The following PRPH2 variants were observed in gnomAD, a reference collection of about 807,000 sequenced individuals.
The protein encoded by PRPH2 is peripherin-2.
Under a neutral mutation model 31.3 loss-of-function variants are expected in PRPH2, and 17 were observed. That is an observed-to-expected ratio of 0.54 (90% CI 0.37 to 0.81). The LOEUF (loss-of-function observed/expected upper bound fraction) is 0.81. Among genes scored for constraint, PRPH2 ranks in the 40% least tolerant of loss-of-function variants. The pLI is 0.00. For missense variants in PRPH2, 430 were observed against 439.7 expected (o/e 0.98, Z 0.20); for synonymous variants, 165 against 184.4 (o/e 0.89, Z 0.85).
intron 1 of PRPH2, among the ~76,000 whole-genome samples, chr6:42,707,001 TG>T (rs1379728226): frequency 1.8e-4 from 22 of 125,662 alleles, no homozygotes; most frequent in African/African-American, 6.8e-4. Context: ...TTGGCATGGA[TG>T]GGGGATGGAG....
At chr6:42,714,892 C>T (rs957878996) in intron 1 of PRPH2, among the ~76,000 whole-genome samples, 2 of 152,106 alleles carry the variant, frequency 1.3e-5, no homozygotes, top group Non-Finnish European at 2.9e-5. Flanking sequence ...CCTCTTGGGC[C>T]TCAGATTTCT....
At chr6:42,704,028 A>G (rs9462817) in intron 2 of PRPH2, among the ~76,000 whole-genome samples, 44,470 of 151,774 alleles carry the variant, frequency 0.29, 6,950 homozygotes, top group African/African-American at 0.4. Context: ...TGAACCCAGG[A>G]GAGGGAGGTT....
intron 2 of PRPH2, among the ~76,000 whole-genome samples, chr6:42,698,854 T>G (rs895535202): frequency 6.6e-6 from 1 of 152,118 alleles, no homozygotes; most frequent in African/African-American, 2.4e-5. Flanking sequence ...TTAATTCATC[T>G]TCAGCCCTTG....
chr6:42,705,106 G>A (rs1800129941), intron 1 of PRPH2, among the ~76,000 whole-genome samples: 1 of 152,172 alleles, frequency 6.6e-6, no homozygotes, highest in African/African-American at 2.4e-5. Context: ...GCAGGGGATG[G>A]AGACCCGAGG....
chr6:42,705,597 AAAATATATATATATATATATATAT>A (rs1800145437), intron 1 of PRPH2, among the ~76,000 whole-genome samples: 1 of 2,820 alleles, frequency 3.5e-4, no homozygotes, highest in Admixed American at 4.0e-3. Context: ...AAAAAAAAAA[AAAATATATATATATATATATATAT>A]ATATATATAT....
At chr6:42,712,544 G>A (rs1004437403) in intron 1 of PRPH2, among the ~76,000 whole-genome samples, 2 of 152,132 alleles carry the variant, frequency 1.3e-5, no homozygotes, top group African/African-American at 4.8e-5. Context: ...GGGGAGGGTA[G>A]TATAGATGAA....
chr6:42,698,246 T>TGGAGTGCACTATTTCTC lies in PRPH2; in HGVS notation c.*32_*48dup, dbSNP rs763091791. ...GGATGAGGGGGAGATCCACGTTTCT[T>TGGAGTGCACTATTTCTC]GGAGTGCACTATTTCTCAGTGTTCG... On this transcript the variant is annotated 3_prime_UTR_variant, in exon 3 of 3. Transcript: ENST00000230381. 1 of 1,608,984 alleles carries TGGAGTGCACTATTTCTC rather than the reference T, an allele frequency of 6.2e-7. No individual in the cohort carries two copies. Among genetic ancestry groups the TGGAGTGCACTATTTCTC allele is most frequent in the East Asian group, 2.2e-5 (1 of 44,824 alleles).
chr6:42,700,371 A>G (rs1263143484), intron 2 of PRPH2, among the ~76,000 whole-genome samples: 1 of 152,140 alleles, frequency 6.6e-6, no homozygotes, highest in Non-Finnish European at 1.5e-5. Flanking sequence ...CAAACTCTAC[A>G]AGAGGATGAA....
At position 42,722,089 on chromosome 6, in the gene PRPH2, G is replaced by A. The variant is rs1242862941; in HGVS notation, c.246C>T (p.Cys82=). 2 of 1,614,188 alleles carry A rather than the reference G, an allele frequency of 1.2e-6. No homozygotes were observed. Among genetic ancestry groups the A allele is most frequent in the South Asian group, 2.2e-5 (2 of 91,086 alleles). Residue 82 remains cysteine, a synonymous_variant, in exon 1 of 3, where the codon TGC becomes TGT. Transcript: ENST00000230381. This position sits in a 1 kb window ranked among gnomAD's most constrained non-coding sequence, Gnocchi z 4.4. ...CVFNSLAGKI[C]YDALDPAKYA... ...ACTTGGCTGGGTCCAGGGCGTCGTA[G>A]CAGATCTTCCCAGCCAGCGAGTTGA...
At chr6:42,705,595 A>AT (rs1800143815) in intron 1 of PRPH2, among the ~76,000 whole-genome samples, 1 of 2,984 alleles carries the variant, frequency 3.4e-4, no homozygotes, top group African/African-American at 1.2e-3. Flanking sequence ...AAAAAAAAAA[A>AT]AAAAATATAT....
chr6:42,715,627 T>C (rs1761762800), intron 1 of PRPH2, among the ~76,000 whole-genome samples: 1 of 152,154 alleles, frequency 6.6e-6, no homozygotes, highest in Admixed American at 6.6e-5. Context: ...GCTGAGATCG[T>C]GCCACTGCAC....
At chr6:42,721,445 C>T (rs1205535131) in intron 1 of PRPH2, among the ~76,000 whole-genome samples, 4 of 152,208 alleles carry the variant, frequency 2.6e-5, no homozygotes, top group Non-Finnish European at 5.9e-5. Flanking sequence ...AGTGGACACA[C>T]ATTGCTGCCT....
At chr6:42,719,114 T>C (rs1354852876) in intron 1 of PRPH2, among the ~76,000 whole-genome samples, 1 of 151,264 alleles carries the variant, frequency 6.6e-6, no homozygotes, top group Non-Finnish European at 1.5e-5. Context: ...ATAATAGAGG[T>C]AAATAAAAAT....
chr6:42,710,832 G>T (rs1019586640), intron 1 of PRPH2, among the ~76,000 whole-genome samples: 5 of 152,204 alleles, frequency 3.3e-5, no homozygotes, highest in African/African-American at 7.2e-5. Context: ...ATGAGCAGGG[G>T]TATACCTGAC....
intron 1 of PRPH2, among the ~76,000 whole-genome samples, chr6:42,719,229 C>T (rs140778820): frequency 9.1e-4 from 137 of 149,996 alleles, no homozygotes; most frequent in African/African-American, 3.3e-3. Flanking sequence ...AGTACAGTGG[C>T]AAGATCTCGG....
rs1490079629 is a variant in PRPH2 at position 42,697,146 on chromosome 6, A to G, written c.*1149T>C. 1 of 152,108 alleles carries G rather than the reference A, an allele frequency of 6.6e-6. No homozygotes were observed. The highest frequency in any genetic ancestry group is 2.4e-5 in the African/African-American group (1 of 41,408). 9.4% of individuals were successfully genotyped at this position (152,108 alleles called of 1,614,324 possible). The stretch of plus-strand genomic sequence containing the variant: ...GTCACCAGGGCTTGGGAAGTCAGCA[A>G]AATCATTCTCTCCTTCCCCTGAAAG... On this transcript the variant is annotated 3_prime_UTR_variant, in exon 3 of 3. Coordinates refer to ENST00000230381, the MANE Select transcript of PRPH2 (RefSeq NM_000322.5).
intron 1 of PRPH2, among the ~76,000 whole-genome samples, chr6:42,713,415 G>A (rs1385637640): frequency 6.6e-6 from 1 of 152,116 alleles, no homozygotes; most frequent in Non-Finnish European, 1.5e-5. Flanking sequence ...AGGGAGATGT[G>A]GGAGGTTGAA....
At chr6:42,711,624 G>C (rs1418075352) in intron 1 of PRPH2, among the ~76,000 whole-genome samples, 1 of 152,196 alleles carries the variant, frequency 6.6e-6, no homozygotes, top group Non-Finnish European at 1.5e-5. Flanking sequence ...CAGCCCTCAG[G>C]AAGCCCCAAT....
At position 42,707,517 on chromosome 6, in the gene PRPH2, C is replaced by A. The variant is rs532290697; in HGVS notation, c.582-2906G>T. Among the ~76,000 whole-genome samples, 5 of 152,290 alleles carry A rather than the reference C, an allele frequency of 3.3e-5. No individual in the cohort carries two copies. The South Asian group carries it at 1.0e-3, about 32-fold the overall frequency. On this transcript the variant is annotated intron_variant, in intron 1 of 2. Coordinates refer to ENST00000230381, the MANE Select transcript of PRPH2 (RefSeq NM_000322.5). ...GCGCGGTTCACAAAGCCCAACCAGC[C>A]ATGCTCAGGAGAACCTGTCCTCCAC...
Sources: gnomAD v4.1 joint callset for allele counts (sites outside exome capture counted in the v4.1 genomes callset) on GRCh38, gnomAD v4.1.1 for gene constraint, Gnocchi (gnomAD v3.1) non-coding constraint, MANE v1.5 for transcripts, NCBI Gene and HGNC (gene_info 2026-07-23, HGNC 2026-07-21) for gene names.